PPHLN1: variants seen among roughly 807,000 people sequenced by gnomAD.
The protein encoded by PPHLN1 is periphilin-1.
Under a neutral mutation model 51.3 loss-of-function variants are expected in PPHLN1, and 29 were observed. The ratio of observed to expected loss-of-function variants is 0.57; its 90% CI spans 0.42 to 0.77. The LOEUF (loss-of-function observed/expected upper bound fraction) is 0.77. Among genes scored for constraint, PPHLN1 ranks in the 30% least tolerant of loss-of-function variants. The pLI, the probability that PPHLN1 is intolerant of heterozygous loss-of-function variation, is 0.00. For synonymous variants in PPHLN1, 147 were observed against 147.8 expected (o/e 0.99, Z 0.04); for missense variants, 436 against 438.4 (o/e 0.99, Z 0.05).
intron 4 of PPHLN1, among the ~76,000 whole-genome samples, chr12:42,360,782 C>T (rs902966953): frequency 2.0e-5 from 3 of 152,006 alleles, no homozygotes; most frequent in Admixed American, 6.6e-5. Flanking sequence ...CATGAGCCAC[C>T]GCGCCCAGCC....
Position 42,393,576 on chromosome 12 carries a change from G to C in PPHLN1, c.655G>C (p.Asp219His). The C allele has an allele frequency of 6.2e-7, 1 of 1,604,968 alleles. No individual in the cohort carries two copies. Among genetic ancestry groups the C allele is most frequent in the East Asian group, 2.2e-5 (1 of 44,722 alleles). ...GSAVSSSKVL[D>H]KPSRLTEKEL... ...AATGTTCTATTTTTATTAGGTGTTA[G>C]ACAAACCCAGTAGGCTAACTGAAAA... The change falls in exon 8 of 10, where the codon GAC becomes CAC. Residue 219 changes from aspartate to histidine, a missense_variant. Coordinates refer to ENST00000358314, the MANE Select transcript of PPHLN1 (RefSeq NM_201439.2).
intron 7 of PPHLN1, among the ~76,000 whole-genome samples, chr12:42,392,295 C>T (rs939285372): frequency 1.3e-5 from 2 of 152,118 alleles, no homozygotes; most frequent in Non-Finnish European, 2.9e-5. Context: ...CACCATCATT[C>T]AGTTTTTTAG....
At chr12:42,357,651 TC>T (rs751519561) in intron 4 of PPHLN1, among the ~76,000 whole-genome samples, 12 of 152,182 alleles carry the variant, frequency 7.9e-5, no homozygotes, top group Non-Finnish European at 1.5e-4. Flanking sequence ...AAAAACTAGA[TC>T]AGCTAGTGGC....
In PPHLN1 at chr12:42,441,712, G is replaced by GT. The variant is rs1288337950; in HGVS notation, c.*203_*204insT. On this transcript the variant is annotated 3_prime_UTR_variant, in exon 10 of 10. Transcript: ENST00000358314. Reference sequence around the variant, plus strand: ...ATTTTTGTATTTTTTGTAGAGATGGGGTTCACCATGTTGGCCAGGCTAGTC... The same window carrying GT: ...ATTTTTGTATTTTTTGTAGAGATGGGTGTTCACCATGTTGGCCAGGCTAGTC... 8.2e-7 allele frequency: 1 copy of GT among 1,223,760 alleles called. No individual in the cohort carries two copies. The highest frequency in any genetic ancestry group is 1.6e-5 in the African/African-American group (1 of 63,922). The allele number at this position is 1,223,760 out of a possible 1,614,324, so 75.8% of individuals were successfully genotyped here. A position where few individuals can be genotyped will look rare whatever the true frequency, so the allele number is the denominator to read the frequency against.
intron 2 of PPHLN1, 130 bp downstream of exon 2, chr12:42,336,104 A>G (rs2070618135): frequency 2.1e-6 from 1 of 486,274 alleles, no homozygotes; most frequent in South Asian, 7.3e-5. Flanking sequence ...AAAAGAGATC[A>G]AGCTTATCTT....
downstream of PPHLN1, chr12:42,446,071 G>A (rs1311726495): frequency 9.1e-6 from 14 of 1,546,828 alleles, no homozygotes; most frequent in Non-Finnish European, 1.0e-5. Context: ...TGCAGGCCCC[G>A]CAGCCCCCGC....
intron 7 of PPHLN1, among the ~76,000 whole-genome samples, chr12:42,388,057 A>G (rs913143574): frequency 5.3e-5 from 8 of 152,364 alleles, no homozygotes; most frequent in African/African-American, 1.9e-4. Flanking sequence ...GTATTGTCCA[A>G]GGTTTCTCCC....
intron 9 of PPHLN1, among the ~76,000 whole-genome samples, chr12:42,411,095 A>AT (rs1158856622): frequency 6.6e-6 from 1 of 151,702 alleles, no homozygotes; most frequent in Non-Finnish European, 1.5e-5. Flanking sequence ...ATTTTCTCCT[A>AT]TTTTTATGTC....
intron 4 of PPHLN1, among the ~76,000 whole-genome samples, chr12:42,364,981 C>T (rs1882666): frequency 0.98 from 149,155 of 152,316 alleles, 73,120 homozygotes; most frequent in Middle Eastern, 1. Context: ...GGAATACTTT[C>T]GTTTGTTCTA....
intron 9 of PPHLN1, among the ~76,000 whole-genome samples, chr12:42,418,859 CT>C (rs1194490405): frequency 6.6e-6 from 1 of 151,970 alleles, no homozygotes; most frequent in Non-Finnish European, 1.5e-5. Context: ...TTTTTCACCA[CT>C]TGTACTGAGC....
chr12:42,386,893 A>G (rs1008011642), intron 6 of PPHLN1: 2 of 152,256 alleles, frequency 1.3e-5, no homozygotes, highest in African/African-American at 4.8e-5. Flanking sequence ...TATCTCATAC[A>G]GGTTTATTTT....
At chr12:42,348,301 T>TTTTTTTTTTTTTTTTTA (rs1351410831) in intron 2 of PPHLN1, among the ~76,000 whole-genome samples, 1 of 131,398 alleles carries the variant, frequency 7.6e-6, no homozygotes, top group South Asian at 2.6e-4. Flanking sequence ...TTTTTTTTTT[T>TTTTTTTTTTTTTTTTTA]AGTAGAAACG....
At chr12:42,336,578 T>C (rs145460168) in intron 2 of PPHLN1, among the ~76,000 whole-genome samples, 14 of 152,340 alleles carry the variant, frequency 9.2e-5, no homozygotes, top group African/African-American at 3.4e-4. Flanking sequence ...GAATTGGGAA[T>C]TTTGAGCCAA....
rs1481647001 is a variant in PPHLN1, at chr12:42,441,387, A to G, written c.982A>G (p.Lys328Glu). ...GATTGAAAAAGATCCTTCATTAGAA[A>G]AGTCTATACAGTTTGCATTGAGGCA... ...MLIEKDPSLE[K>E]SIQFALRQNL... Residue 328 changes from lysine to glutamate, a missense_variant, in exon 10 of 10, where the codon AAG (lysine) becomes GAG (glutamate). Transcript: ENST00000358314. The G allele has an allele frequency of 6.2e-7, 1 of 1,613,658 alleles. No individual in the cohort carries two copies. Among genetic ancestry groups the G allele is most frequent in the Admixed American group, 1.7e-5 (1 of 59,980 alleles).
chr12:42,446,246 T>C, downstream of PPHLN1: 1 of 1,611,348 alleles, frequency 6.2e-7, no homozygotes, highest in Non-Finnish European at 8.5e-7. Context: ...TCCAGAAAAT[T>C]TGTTCCTTGC....
intron 9 of PPHLN1, chr12:42,433,280 T>TG: frequency 1.5e-6 from 1 of 663,498 alleles, no homozygotes; most frequent in South Asian, 1.5e-5. Flanking sequence ...TATCAGATGG[T>TG]GGAGGTAATC....
At chr12:42,422,456 T>C (rs1297587243) in intron 9 of PPHLN1, among the ~76,000 whole-genome samples, 2 of 152,258 alleles carry the variant, frequency 1.3e-5, no homozygotes, top group Admixed American at 1.3e-4. Flanking sequence ...CTGTTTCTTT[T>C]GGCTCTTGTG....
At chr12:42,396,783 C>G (rs2139250780) in intron 8 of PPHLN1, among the ~76,000 whole-genome samples, 1 of 149,938 alleles carries the variant, frequency 6.7e-6, no homozygotes, top group Non-Finnish European at 1.5e-5. Flanking sequence ...GAGCAAGACC[C>G]TGTCTCAGAA....
chr12:42,365,915 C>T (rs991525834), intron 4 of PPHLN1, among the ~76,000 whole-genome samples: 5 of 152,136 alleles, frequency 3.3e-5, no homozygotes, highest in Non-Finnish European at 7.4e-5. Flanking sequence ...GTATTGAATG[C>T]ATTGTATCAT....
Sources: allele counts gnomAD v4.1 joint callset (sites outside exome capture counted in the v4.1 genomes callset), GRCh38; gene constraint gnomAD v4.1.1; transcripts MANE v1.5; gene names NCBI Gene and HGNC (gene_info 2026-07-23, HGNC 2026-07-21).